DBR1: variants seen among roughly 807,000 people sequenced by gnomAD.
DBR1 encodes debranching RNA lariats 1.
A neutral mutation model predicts 45.9 loss-of-function variants in DBR1; 33 were observed. The ratio of observed to expected loss-of-function variants is 0.72; its 90% confidence interval spans 0.55 to 0.96. The LOEUF is 0.96. Among genes scored for constraint, DBR1 ranks in the 40% least tolerant of loss-of-function variants. The pLI is 0.00. For missense variants in DBR1, 619 were observed against 667.4 expected, an observed-to-expected ratio of 0.93 and a Z score of 0.80; for synonymous variants, 235 against 235.9, an observed-to-expected ratio of 1.00 and a Z score of 0.04.
Position 138,167,231 on chromosome 3 carries a change from T to C in DBR1, c.564A>G (p.Gln188=). The change falls in exon 5 of 8, where the codon CAA becomes CAG. Residue 188 remains glutamine, a synonymous_variant. Transcript: ENST00000260803. The part of the protein sequence containing the change: ...RSIYHYGNKK[Q]LLKTKSFFRQ... ...GGAAAAAAGATTTAGTCTTAAGAAGTTGCTTCTTATTTCCATAATGATATA... is the reference window on the plus strand; with the variant it reads ...GGAAAAAAGATTTAGTCTTAAGAAGCTGCTTCTTATTTCCATAATGATATA... The C allele has an allele frequency of 4.3e-6, 7 of 1,613,622 alleles. No homozygotes were observed. Among genetic ancestry groups the C allele is most frequent in the Non-Finnish European group, 5.9e-6 (7 of 1,179,666 alleles).
intron 4 of DBR1, among the ~76,000 whole-genome samples, chr3:138,168,280 G>A (rs1004462547): frequency 1.3e-5 from 2 of 152,016 alleles, no homozygotes; most frequent in South Asian, 4.2e-4. Context: ...CACTTTAGGA[G>A]GCCGAGGTGG....
intron 2 of DBR1, 147 bp downstream of exon 2, chr3:138,173,355 T>A: frequency 1.4e-6 from 1 of 732,504 alleles, no homozygotes; most frequent in Non-Finnish European, 2.1e-6. Context: ...AATAATTAAC[T>A]ATCTTAATTA....
In DBR1 at chr3:138,174,900, C is replaced by A; in HGVS notation, c.-105G>T. The A allele has an allele frequency of 9.0e-7, 1 of 1,106,098 alleles. No homozygotes were observed. Among genetic ancestry groups the A allele is most frequent in the Non-Finnish European group, 1.3e-6 (1 of 777,384 alleles). 68.5% of individuals were successfully genotyped at this position (1,106,098 alleles called of 1,614,324 possible). A position where few individuals can be genotyped will look rare whatever the true frequency, so the allele number is the denominator to read the frequency against. On this transcript the variant is annotated 5_prime_UTR_variant, in exon 1 of 8. Transcript: ENST00000260803. Reference sequence around the variant, plus strand: ...CCGCCAACTTTAATAAGTATAGCCACCGCCTGGGTGTAGACTCCTGCAAAA... The same window carrying A: ...CCGCCAACTTTAATAAGTATAGCCAACGCCTGGGTGTAGACTCCTGCAAAA...
chr3:138,171,156 C>CT (rs1240903935), intron 3 of DBR1, among the ~76,000 whole-genome samples: 2 of 151,826 alleles, frequency 1.3e-5, no homozygotes, highest in African/African-American at 4.8e-5. Context: ...TGTTTTATTT[C>CT]TTAAAAATAA....
Position 138,163,511 on chromosome 3 carries a change from ATGT to A in DBR1, c.796-20_796-18del. 1 of 1,490,592 alleles carries A rather than the reference ATGT, an allele frequency of 6.7e-7. No homozygotes were observed. Among genetic ancestry groups the A allele is most frequent in the Non-Finnish European group, 9.2e-7 (1 of 1,091,410 alleles). The allele number at this position is 1,490,592 out of a possible 1,614,324, so 92.3% of individuals were successfully genotyped here. ...CTCTAATATCTACAGGATGAAATCA[ATGT>A]TAAGAAATACATATATATTTGTAAC... is the stretch of plus-strand genomic sequence containing the variant. On this transcript the variant is annotated intron_variant, in intron 6 of 7. Transcript: ENST00000260803.
intron 5 of DBR1, among the ~76,000 whole-genome samples, chr3:138,165,686 G>A (rs1352171054): frequency 2.0e-5 from 3 of 151,320 alleles, no homozygotes; most frequent in East Asian, 1.9e-4. Context: ...TGGAGATCGC[G>A]CCACTGCACT....
Position 138,174,584 on chromosome 3 carries a change from C to T in DBR1, c.197+15G>A. 2 of 1,593,020 alleles carry T rather than the reference C, an allele frequency of 1.3e-6. No individual in the cohort carries two copies. Among genetic ancestry groups the T allele is most frequent in the Middle Eastern group, 1.7e-4 (1 of 5,978 alleles). ...ACCCCCCCACCGCCAAGTCCGGGCC[C>T]GGCCGCGTCCTCACCTGTAGAAGGT... On this transcript the variant is annotated intron_variant, in intron 1 of 7. Coordinates refer to ENST00000260803, the MANE Select transcript of DBR1 (RefSeq NM_016216.4).
chr3:138,163,529 A>G (rs2042917377), intron 6 of DBR1, 35 bp from the exon 7 acceptor site: 2 of 1,321,912 alleles, frequency 1.5e-6, no homozygotes, highest in Middle Eastern at 2.1e-4. Context: ...AAATACATAT[A>G]TATTTGTAAC....
chr3:138,164,043 A>C (rs1447119792), intron 5 of DBR1, 185 bp from the exon 6 acceptor site: 1 of 426,994 alleles, frequency 2.3e-6, no homozygotes, highest in African/African-American at 2.0e-5. Flanking sequence ...AAGAGAAGGC[A>C]TTTAACTTCT....
rs1157288895 is a variant in DBR1, at chr3:138,161,891, A to C, written c.1633T>G (p.Ter545GluextTer30). Residue 545 changes from the stop codon to glutamate, a stop_lost, in exon 8 of 8, where the codon TAA becomes GAA. Coordinates refer to ENST00000260803, the MANE Select transcript of DBR1 (RefSeq NM_016216.4). ...AAAAACAAAACAAGTAAATCATCTT[A>C]AGCTGCATCGTCATCATCATCATCC... ...AVDDDDDDAA* is the reference protein window; with the variant it reads ...AVDDDDDDAAE 6.2e-7 allele frequency: 1 copy of C among 1,607,072 alleles called. No homozygotes were observed. The highest frequency in any genetic ancestry group is 8.5e-7 in the Non-Finnish European group (1 of 1,173,732).
In DBR1 at chr3:138,162,317, C is replaced by T. The variant is rs1437640512; in HGVS notation, c.1207G>A (p.Glu403Lys). The change falls in exon 8 of 8, where the codon GAG (glutamate) becomes AAG (lysine). Residue 403 changes from glutamate to lysine, a missense_variant. Glu to Lys is a moderately conservative substitution (Grantham distance 56, BLOSUM62 1). Transcript: ENST00000260803. ...TGGTCTTCTCCAGAGTCATTACTCT[C>T]CACATCATCCTGTTCTTCATATTCA... Reference protein sequence around the residue: ...CGEYEEQDDVESNDSGEDQSE... With the variant: ...CGEYEEQDDVKSNDSGEDQSE... 6.2e-7 allele frequency: 1 copy of T among 1,614,188 alleles called. No individual in the cohort carries two copies. Among genetic ancestry groups the T allele is most frequent in the East Asian group, 2.2e-5 (1 of 44,884 alleles).
chr3:138,171,475 C>CAAAAAAAAAAAAA (rs906867666), intron 3 of DBR1, 158 bp downstream of exon 3: 17 of 69,560 alleles, frequency 2.4e-4, no homozygotes, highest in South Asian at 7.7e-4. Context: ...AACTCTGTCT[C>CAAAAAAAAAAAAA]AAAAAAAAAA....
chr3:138,171,525 C>G, intron 3 of DBR1, 108 bp downstream of exon 3: 1 of 228,768 alleles, frequency 4.4e-6, no homozygotes, highest in Non-Finnish European at 9.0e-6. Context: ...CTTGATAAAA[C>G]TATATCGAGG....
chr3:138,174,181 G>A (rs960809899), intron 1 of DBR1, among the ~76,000 whole-genome samples: 3 of 152,078 alleles, frequency 2.0e-5, no homozygotes, highest in South Asian at 2.1e-4. Flanking sequence ...ACCACAACAA[G>A]CACATAGCAG....
At position 138,166,945 on chromosome 3, in the gene DBR1, T is replaced by G. The variant is rs1238048995; in HGVS notation, c.714+136A>C. ...TATACTGTTTTGTAATTGCTTGTCT[T>G]TCCCAGAATCATATATTGAGCTACT... On this transcript the variant is annotated intron_variant, in intron 5 of 7. Transcript: ENST00000260803. 4.9e-6 allele frequency: 4 copies of G among 818,170 alleles called. No individual in the cohort carries two copies. In the African/African-American group the frequency reaches 7.0e-5, roughly 14 times the overall value. 50.7% of individuals were successfully genotyped at this position (818,170 alleles called of 1,614,324 possible).
At chr3:138,171,184 AATAC>A (rs370395619) in intron 3 of DBR1, 7 of 152,518 alleles carry the variant, frequency 4.6e-5, no homozygotes, top group African/African-American at 1.7e-4. Context: ...AAAATAGCAA[AATAC>A]AGGCCGGGCG....
rs74324445 is a variant in DBR1, at chr3:138,170,715, T to A, written c.404-523A>T. 9.7e-3 allele frequency among the ~76,000 whole-genome samples: 1,485 copies of A among 152,350 alleles called. 25 individuals carry two copies. Among genetic ancestry groups the A allele is most frequent in the African/African-American group, 0.034 (1,403 of 41,574 alleles). ...ACTTGTAACAGTTACATTCAGGATGTAAGTTTTAGCTGTCAATGTAATTCA... is the reference window on the plus strand; with the variant it reads ...ACTTGTAACAGTTACATTCAGGATGAAAGTTTTAGCTGTCAATGTAATTCA... On this transcript the variant is annotated intron_variant, in intron 3 of 7. Coordinates refer to ENST00000260803, the MANE Select transcript of DBR1 (RefSeq NM_016216.4).
In DBR1 at chr3:138,174,844, G is replaced by T; in HGVS notation, c.-49C>A. On this transcript the variant is annotated 5_prime_UTR_variant, in exon 1 of 8. In the 5' UTR this introduces an upstream ATG that the reference lacks. Coordinates refer to ENST00000260803, the MANE Select transcript of DBR1 (RefSeq NM_016216.4). ...GCTGCCTGCAACGCCCTACACCACA[G>T]CCAGCCCAGGACCGACTGATCGCTC... The T allele has an allele frequency of 6.4e-7, 1 of 1,568,892 alleles. No individual in the cohort carries two copies.
chr3:138,162,576 A>G lies in DBR1; in HGVS notation c.948T>C (p.Asp316=). ...PENNGLHARW[D]YSATEEGMKE... ...TCATACCTTCTTCTGTTGCACTATA[A>G]TCCCACCTATAAAAGTACAAAACAA... Residue 316 remains aspartate (D), a synonymous_variant, in exon 8 of 8, where the codon GAT becomes GAC. Transcript: ENST00000260803. 1 of 1,606,784 alleles carries G rather than the reference A, an allele frequency of 6.2e-7. No individual in the cohort carries two copies. The highest frequency in any genetic ancestry group is 8.5e-7 in the Non-Finnish European group (1 of 1,173,960).
Sources: gnomAD v4.1 joint callset for allele counts (sites outside exome capture counted in the v4.1 genomes callset) on GRCh38, gnomAD v4.1.1 for gene constraint, MANE v1.5 for transcripts, NCBI Gene and HGNC (gene_info 2026-07-23, HGNC 2026-07-21) for gene names.